The following ZNF385D variants were observed in gnomAD, a reference collection of about 807,000 sequenced individuals.
ZNF385D encodes zinc finger protein 659.
ZNF385D carries 15 observed loss-of-function variants against 35.8 expected under a neutral mutation model. The observed-to-expected ratio is 0.42, with a 90% CI of 0.28 to 0.64. The LOEUF (loss-of-function observed/expected upper bound fraction) is 0.64, where lower values mean the gene tolerates loss of function less well. Ranked by LOEUF, ZNF385D falls within the 30% of genes least tolerant of loss-of-function variation. The pLI is 0.23. For missense variants in ZNF385D, 474 were observed against 494.6 expected (o/e 0.96, Z 0.39); for synonymous variants, 212 against 186.8 (o/e 1.13, Z -1.10).
chr3:22,146,282 G>C (rs1704848197), intron 3 of ZNF385D, among the ~76,000 whole-genome samples: 1 of 152,158 alleles, frequency 6.6e-6, no homozygotes, highest in Non-Finnish European at 1.5e-5. Flanking sequence ...AATAGCTATA[G>C]TTAGAATAAT....
Position 21,577,302 on chromosome 3 carries a change from C to T in ZNF385D, c.166-12618G>A, listed in dbSNP as rs560313804. Among the ~76,000 whole-genome samples, 23 of 152,218 alleles carry T rather than the reference C, an allele frequency of 1.5e-4. 1 individual carries two copies. The South Asian group carries it at 4.6e-3, about 30-fold the overall frequency. ...GGCTTATTTCACTAGACATAATGTC[C>T]TCCAGGATCATCCATGTTTCCAAAA... is the stretch of plus-strand genomic sequence containing the variant. On this transcript the variant is annotated intron_variant, in intron 2 of 7. Transcript: ENST00000281523.
chr3:21,978,000 A>G (rs768516210), intron 3 of ZNF385D, among the ~76,000 whole-genome samples: 1 of 152,220 alleles, frequency 6.6e-6, no homozygotes, highest in Non-Finnish European at 1.5e-5. Context: ...TAGCCAAAGG[A>G]AAGAACTAGA....
intron 2 of ZNF385D, among the ~76,000 whole-genome samples, chr3:21,587,609 G>C (rs2063848239): frequency 6.6e-6 from 1 of 152,200 alleles, no homozygotes; most frequent in Admixed American, 6.5e-5. Context: ...GAGATGTGTA[G>C]TAGATATGTA....
At chr3:22,278,997 T>C (rs536336830) in intron 2 of ZNF385D, among the ~76,000 whole-genome samples, 8 of 152,232 alleles carry the variant, frequency 5.3e-5, no homozygotes, top group African/African-American at 1.9e-4. Context: ...AATTTGGACC[T>C]AGCCCTTCTA....
rs537722985 is a variant in ZNF385D, at chr3:22,120,900, A to G, written c.325+47917T>C. Reference sequence around the variant, plus strand: ...AAACAATGACTTTTAATGGCAGAAGAGAACTTTGAGACCATCTTCTTTACA... The same window carrying G: ...AAACAATGACTTTTAATGGCAGAAGGGAACTTTGAGACCATCTTCTTTACA... On this transcript the variant is annotated intron_variant, in intron 3 of 5. Transcript: ENST00000494108. Among the ~76,000 whole-genome samples the G allele has an allele frequency of 3.3e-5, 5 of 152,298 alleles. No individual in the cohort carries two copies. The South Asian group carries it at 8.3e-4, about 25-fold the overall frequency.
chr3:22,037,586 T>G (rs1483978527), intron 3 of ZNF385D, among the ~76,000 whole-genome samples: 1 of 152,178 alleles, frequency 6.6e-6, no homozygotes, highest in Admixed American at 6.5e-5. Flanking sequence ...TTGTTGGAGT[T>G]CATTGTAGAT....
intron 1 of ZNF385D, among the ~76,000 whole-genome samples, chr3:21,678,794 A>G (rs1048930687): frequency 6.6e-6 from 1 of 152,052 alleles, no homozygotes; most frequent in African/African-American, 2.4e-5. Flanking sequence ...TGTACTGCAT[A>G]TAGTTTTCAA....
In ZNF385D at chr3:21,414,790, A is replaced by C. The variant is rs913775510; in HGVS notation, c.*6424T>G. ...TTTCGCCAATATCCAGTACTTCCAC[A>C]CATTTTTCTATAATCCATTTAAAAA... On this transcript the variant is annotated 3_prime_UTR_variant, in exon 8 of 8. Coordinates refer to ENST00000281523, the MANE Select transcript of ZNF385D (RefSeq NM_024697.3). The C allele has an allele frequency of 2.0e-5, 3 of 152,054 alleles. No individual in the cohort carries two copies. Among genetic ancestry groups the C allele is most frequent in the Non-Finnish European group, 4.4e-5 (3 of 67,998 alleles). 9.4% of individuals were successfully genotyped at this position (152,054 alleles called of 1,614,324 possible). A position where few individuals can be genotyped will look rare whatever the true frequency, so the allele number is the denominator to read the frequency against.
At chr3:22,108,404 T>C (rs535771400) in intron 3 of ZNF385D, among the ~76,000 whole-genome samples, 161 of 152,226 alleles carry the variant, frequency 1.1e-3, no homozygotes, top group African/African-American at 3.5e-3. Flanking sequence ...ACACAAAACT[T>C]CCTTAAGAGG....
chr3:21,655,182 C>T (rs1476938517), intron 2 of ZNF385D, among the ~76,000 whole-genome samples: 1 of 151,968 alleles, frequency 6.6e-6, no homozygotes, highest in Non-Finnish European at 1.5e-5. Context: ...TAGGCTTCCT[C>T]AATGCCTGCA....
intron 3 of ZNF385D, among the ~76,000 whole-genome samples, chr3:22,122,077 G>C (rs571056869): frequency 1.3e-5 from 2 of 152,010 alleles, no homozygotes; most frequent in Non-Finnish European, 2.9e-5. Flanking sequence ...CACAAATATC[G>C]TCTCAGCCCA....
At chr3:22,047,074 G>C (rs1289605297) in intron 3 of ZNF385D, among the ~76,000 whole-genome samples, 2 of 152,066 alleles carry the variant, frequency 1.3e-5, no homozygotes, top group Admixed American at 1.3e-4. Flanking sequence ...CAGTTCACCT[G>C]ATTTCTCTGT....
At chr3:21,501,974 C>T (rs1314937221) in intron 4 of ZNF385D, among the ~76,000 whole-genome samples, 1 of 152,154 alleles carries the variant, frequency 6.6e-6, no homozygotes, top group Non-Finnish European at 1.5e-5. Context: ...TAAAGAAAGA[C>T]AGTCAAAAAC....
chr3:21,763,034 G>C (rs1424220909), intron 3 of ZNF385D, among the ~76,000 whole-genome samples: 1 of 152,012 alleles, frequency 6.6e-6, no homozygotes, highest in Non-Finnish European at 1.5e-5. Flanking sequence ...CAAATGCTTG[G>C]TAGGATAAAA....
intron 1 of ZNF385D, among the ~76,000 whole-genome samples, chr3:21,724,493 A>T (rs1429210530): frequency 3.2e-5 from 2 of 61,814 alleles, no homozygotes; most frequent in African/African-American, 7.4e-5. Context: ...AAAAAAAAAA[A>T]AAAAAAAAAA....
At chr3:22,112,710 T>C (rs537198236) in intron 3 of ZNF385D, among the ~76,000 whole-genome samples, 1 of 152,060 alleles carries the variant, frequency 6.6e-6, no homozygotes, top group African/African-American at 2.4e-5. Flanking sequence ...AAGCTACACA[T>C]AGAAGATGAA....
intron 4 of ZNF385D, among the ~76,000 whole-genome samples, chr3:21,439,120 T>C (rs1701727591): frequency 6.6e-6 from 1 of 152,044 alleles, no homozygotes; most frequent in African/African-American, 2.4e-5. Context: ...TACATACTTA[T>C]AAAATAATTT....
chr3:21,697,469 G>A (rs1336278838), intron 1 of ZNF385D, among the ~76,000 whole-genome samples: 3 of 152,130 alleles, frequency 2.0e-5, no homozygotes, highest in African/African-American at 7.2e-5. Flanking sequence ...AAGTGATGTG[G>A]AGTAAAGGGT....
chr3:22,232,582 C>T (rs1283861522), intron 2 of ZNF385D, among the ~76,000 whole-genome samples: 1 of 152,106 alleles, frequency 6.6e-6, no homozygotes, highest in Non-Finnish European at 1.5e-5. Context: ...TGTTCCCCTC[C>T]CTGTGACCAT....
Sources: allele counts gnomAD v4.1 joint callset (sites outside exome capture counted in the v4.1 genomes callset), GRCh38; gene constraint gnomAD v4.1.1; transcripts MANE v1.5; gene names NCBI Gene and HGNC (gene_info 2026-07-23, HGNC 2026-07-21).